The following NLN variants were observed in gnomAD, a reference collection of about 807,000 sequenced individuals.
The protein encoded by NLN is neurolysin, mitochondrial.
A neutral mutation model predicts 79.9 loss-of-function variants in NLN; 64 were observed. The observed-to-expected ratio is 0.80, with a 90% CI of 0.65 to 0.99. The LOEUF is 0.99. NLN is among the 50% of genes least tolerant of loss of function. The pLI is 0.00. For missense variants in NLN, 835 were observed against 858.7 expected (o/e 0.97, Z 0.34); for synonymous variants, 267 against 296.6 (o/e 0.90, Z 1.02).
At chr5:65,727,344 ATTGT>A (rs1420609537) in intron 1 of NLN, among the ~76,000 whole-genome samples, 1 of 152,036 alleles carries the variant, frequency 6.6e-6, no homozygotes, top group Non-Finnish European at 1.5e-5. Flanking sequence ...ATTTGAAAAA[ATTGT>A]TTGTAGAGAT....
At chr5:65,774,729 ATT>A (rs68122704) in intron 3 of NLN, among the ~76,000 whole-genome samples, 3,936 of 135,504 alleles carry the variant, frequency 0.029, 164 homozygotes, top group African/African-American at 0.099. Flanking sequence ...ATATATATAT[ATT>A]TTTTTTTTTT....
At chr5:65,760,720 C>T (rs1438189518) in intron 2 of NLN, among the ~76,000 whole-genome samples, 3 of 152,118 alleles carry the variant, frequency 2.0e-5, no homozygotes, top group African/African-American at 7.2e-5. Flanking sequence ...ACTATGTTGC[C>T]CAGGCTGGTC....
In NLN at chr5:65,829,149, A is replaced by T. The variant is rs1443056928; in HGVS notation, c.*6234A>T. The T allele has an allele frequency of 6.6e-6, 1 of 152,232 alleles. No individual in the cohort carries two copies. The highest frequency in any genetic ancestry group is 1.5e-5 in the Non-Finnish European group (1 of 68,064). 9.4% of individuals were successfully genotyped at this position (152,232 alleles called of 1,614,324 possible). A position where few individuals can be genotyped will look rare whatever the true frequency, so the allele number is the denominator to read the frequency against. The stretch of plus-strand genomic sequence containing the variant: ...AGGCAAACGTCTGATTCAGATAGCC[A>T]GGTGTGCCATGCATGCACTCCACCA... On this transcript the variant is annotated 3_prime_UTR_variant, in exon 13 of 13. Transcript: ENST00000380985.
At chr5:65,762,778 A>G (rs1030047842) in intron 2 of NLN, among the ~76,000 whole-genome samples, 182 bp from the exon 3 acceptor site, 1 of 152,136 alleles carries the variant, frequency 6.6e-6, no homozygotes, top group Admixed American at 6.5e-5. Context: ...TAATGATGCC[A>G]GCTGGAACAG....
intron 3 of NLN, among the ~76,000 whole-genome samples, chr5:65,773,472 A>C (rs550626209): frequency 3.0e-4 from 45 of 152,282 alleles, no homozygotes; most frequent in African/African-American, 1.1e-3. Flanking sequence ...GAAATATACT[A>C]TCTTAATCTC....
At chr5:65,777,567 A>G in intron 4 of NLN, 33 bp downstream of exon 4, 1 of 1,335,358 alleles carries the variant, frequency 7.5e-7, no homozygotes, top group Non-Finnish European at 1.1e-6. Context: ...TATCAGAAAA[A>G]AAAAATGAAT....
intron 12 of NLN, among the ~76,000 whole-genome samples, chr5:65,819,601 G>GAGGAAAACATA (rs1324109986): frequency 2.6e-5 from 4 of 152,196 alleles, no homozygotes; most frequent in Admixed American, 6.5e-5. Context: ...TCCTCCATAG[G>GAGGAAAACATA]AAAGCTCTAG....
chr5:65,799,547 A>G (rs566627409), intron 9 of NLN, among the ~76,000 whole-genome samples: 3 of 152,210 alleles, frequency 2.0e-5, no homozygotes, highest in Admixed American at 6.5e-5. Context: ...GATTTTGGAA[A>G]TACAGTGGTG....
intron 1 of NLN, among the ~76,000 whole-genome samples, chr5:65,737,129 C>T (rs1044501627): frequency 2.3e-4 from 35 of 151,346 alleles, no homozygotes; most frequent in African/African-American, 8.6e-4. Flanking sequence ...GGGAGACTGT[C>T]TCCAAAAAAA....
intron 1 of NLN, among the ~76,000 whole-genome samples, chr5:65,729,623 G>A (rs1009282785): frequency 1.3e-5 from 2 of 151,866 alleles, no homozygotes; most frequent in East Asian, 1.9e-4. Flanking sequence ...ATTCACCCGC[G>A]TCGGCCTCCC....
intron 3 of NLN, among the ~76,000 whole-genome samples, chr5:65,766,970 G>T (rs1759465400): frequency 6.6e-6 from 1 of 152,242 alleles, no homozygotes; most frequent in African/African-American, 2.4e-5. Context: ...CCATGGCCTT[G>T]GGTGGCTCTG....
chr5:65,784,369 A>G (rs139174311), intron 6 of NLN, among the ~76,000 whole-genome samples: 167 of 152,326 alleles, frequency 1.1e-3, no homozygotes, highest in African/African-American at 3.9e-3. Flanking sequence ...ACATTTTTAA[A>G]AGCAGAATTT....
intron 12 of NLN, among the ~76,000 whole-genome samples, chr5:65,819,461 G>C (rs1191314160): frequency 1.3e-5 from 2 of 152,144 alleles, no homozygotes; most frequent in African/African-American, 4.8e-5. Flanking sequence ...ATTCAAACCC[G>C]GGCCTGAGTC....
chr5:65,767,361 C>T (rs929710228), intron 3 of NLN, among the ~76,000 whole-genome samples: 3 of 152,206 alleles, frequency 2.0e-5, no homozygotes, highest in Non-Finnish European at 2.9e-5. Context: ...TTGGGGCTTG[C>T]GTCCTGTGAA....
At position 65,770,163 on chromosome 5, in the gene NLN, C is replaced by T. The variant is rs369988481; in HGVS notation, c.450+7055C>T. Among the ~76,000 whole-genome samples, 47 of 152,262 alleles carry T rather than the reference C, an allele frequency of 3.1e-4. 1 individual carries two copies. The highest frequency in any genetic ancestry group is 3.4e-3 in the Middle Eastern group (1 of 294). On this transcript the variant is annotated intron_variant, in intron 3 of 12. Transcript: ENST00000380985. ...CTGGGCAGGGATATATTTATTAAGA[C>T]GCAGAAACTGCTAACTATGAAATAT...
At chr5:65,786,080 T>G in intron 7 of NLN, 170 bp downstream of exon 7, 2 of 505,950 alleles carry the variant, frequency 4.0e-6, no homozygotes, top group East Asian at 6.0e-5. Context: ...AGGGACTGCT[T>G]ATTGTTTATA....
Position 65,828,409 on chromosome 5 carries a change from C to T in NLN, c.*5494C>T, listed in dbSNP as rs1760959501. 1 of 152,156 alleles carries T rather than the reference C, an allele frequency of 6.6e-6. No individual in the cohort carries two copies. The highest frequency in any genetic ancestry group is 1.5e-5 in the Non-Finnish European group (1 of 68,020). The allele number at this position is 152,156 out of a possible 1,614,324, so 9.4% of individuals were successfully genotyped here. On this transcript the variant is annotated 3_prime_UTR_variant, in exon 13 of 13. Coordinates refer to ENST00000380985, the MANE Select transcript of NLN (RefSeq NM_020726.5). ...AGGAGCAGTAACAAGATGGTGATAA[C>T]TTTGAAAATACTTCTCAAAAGAAAA...
intron 7 of NLN, 75 bp from the exon 8 acceptor site, chr5:65,788,043 A>G: frequency 6.9e-7 from 1 of 1,447,278 alleles, no homozygotes; most frequent in African/African-American, 1.4e-5. Flanking sequence ...GCACCATGCT[A>G]AAACACAGGT....
chr5:65,728,237 T>C (rs1758521768), intron 1 of NLN, among the ~76,000 whole-genome samples: 2 of 152,256 alleles, frequency 1.3e-5, no homozygotes, highest in East Asian at 3.9e-4. Flanking sequence ...ACAGACTTTC[T>C]TTTTATAAAT....
Sources: gnomAD v4.1 joint callset for allele counts (sites outside exome capture counted in the v4.1 genomes callset) on GRCh38, gnomAD v4.1.1 for gene constraint, MANE v1.5 for transcripts, NCBI Gene and HGNC (gene_info 2026-07-23, HGNC 2026-07-21) for gene names.